CDH2: variants seen among roughly 807,000 people sequenced by gnomAD.
CDH2 encodes cadherin-2.
CDH2 carries 17 observed loss-of-function variants against 92.0 expected under a neutral mutation model. The observed-to-expected ratio is 0.18, with a 90% CI of 0.13 to 0.28. The LOEUF is 0.28. CDH2 is among the 10% of genes least tolerant of loss of function. The pLI, the probability that CDH2 is intolerant of heterozygous loss-of-function variation, is 1.00. For synonymous variants in CDH2, 419 were observed against 415.9 expected, an observed-to-expected ratio of 1.01 and a Z score of -0.09; for missense variants, 862 against 1,133.1, an observed-to-expected ratio of 0.76 and a Z score of 3.44.
intron 2 of CDH2, among the ~76,000 whole-genome samples, chr18:28,076,682 C>A (rs2014725402): frequency 8.4e-6 from 1 of 119,212 alleles, no homozygotes; most frequent in Non-Finnish European, 1.7e-5. Context: ...TAATGCTTTC[C>A]CTCCCCCCTC....
chr18:28,095,392 GCAA>G (rs2015113868), intron 2 of CDH2, among the ~76,000 whole-genome samples: 1 of 151,886 alleles, frequency 6.6e-6, no homozygotes. Context: ...ACAAGCCTGG[GCAA>G]CATAGTGAGA....
Position 28,133,897 on chromosome 18 carries a change from G to A in CDH2, c.172+13776C>T, listed in dbSNP as rs193037755. Among the ~76,000 whole-genome samples the A allele has an allele frequency of 8.5e-5, 13 of 152,196 alleles. No homozygotes were observed. The South Asian group carries it at 1.5e-3, about 17-fold the overall frequency. On this transcript the variant is annotated intron_variant, in intron 2 of 15. Transcript: ENST00000269141. ...TTCTGGGCCAGGCACAGTGGTTCAC[G>A]TCTGTAATCCCAACACTCTGGGAGG...
intron 2 of CDH2, among the ~76,000 whole-genome samples, chr18:28,079,990 C>G (rs1465349885): frequency 4.6e-5 from 7 of 152,134 alleles, no homozygotes; most frequent in Non-Finnish European, 4.4e-5. Context: ...TGAAATTCTC[C>G]AGAACAGCAT....
intron 15 of CDH2, chr18:27,954,688 C>T (rs1173096863): frequency 6.6e-6 from 1 of 152,094 alleles, no homozygotes; most frequent in Non-Finnish European, 1.5e-5. Context: ...GTGATTGGTA[C>T]CTTAGCTAAC....
chr18:28,110,198 T>C (rs937850067), intron 2 of CDH2, among the ~76,000 whole-genome samples: 3 of 152,250 alleles, frequency 2.0e-5, no homozygotes, highest in African/African-American at 7.2e-5. Context: ...CTCCGCTGTT[T>C]AGCATTATCC....
At chr18:28,130,405 C>A (rs1194259287) in intron 2 of CDH2, among the ~76,000 whole-genome samples, 1 of 152,210 alleles carries the variant, frequency 6.6e-6, no homozygotes, top group Non-Finnish European at 1.5e-5. Context: ...TGGAGTATAT[C>A]ACAGTCAAAA....
chr18:28,037,497 G>A (rs1222623130), intron 2 of CDH2, among the ~76,000 whole-genome samples: 2 of 152,132 alleles, frequency 1.3e-5, no homozygotes, highest in Non-Finnish European at 2.9e-5. Flanking sequence ...GGGAAGCAGC[G>A]AGAAAACTTA....
intron 2 of CDH2, among the ~76,000 whole-genome samples, chr18:28,043,097 AC>A (rs1285069996): frequency 2.0e-5 from 3 of 152,030 alleles, no homozygotes; most frequent in Non-Finnish European, 2.9e-5. Flanking sequence ...ATATATATAC[AC>A]CATGGAATAC....
intron 2 of CDH2, among the ~76,000 whole-genome samples, chr18:28,044,523 A>C (rs1483318683): frequency 6.6e-6 from 1 of 152,150 alleles, no homozygotes; most frequent in Non-Finnish European, 1.5e-5. Context: ...TAAAATTAAG[A>C]CTATAAATAT....
chr18:28,099,758 A>G (rs1021117473), intron 2 of CDH2, among the ~76,000 whole-genome samples: 1 of 152,268 alleles, frequency 6.6e-6, no homozygotes, highest in African/African-American at 2.4e-5. Flanking sequence ...GTGATATTAG[A>G]GAAAGCAAAT....
chr18:27,989,287 T>TC (rs1349278178), intron 10 of CDH2, among the ~76,000 whole-genome samples: 5 of 152,306 alleles, frequency 3.3e-5, no homozygotes, highest in African/African-American at 1.2e-4. Flanking sequence ...GAGTGGGGAT[T>TC]AACTTTTAAA....
At chr18:27,985,884 T>C in intron 11 of CDH2, 123 bp from the exon 12 acceptor site, 1 of 627,370 alleles carries the variant, frequency 1.6e-6, no homozygotes, top group Non-Finnish European at 2.7e-6. Context: ...TGGAAAAACA[T>C]AGTTGCTATG....
intron 1 of CDH2, 23 bp downstream of exon 1, chr18:28,176,940 G>C (rs1343097848): frequency 2.3e-5 from 27 of 1,171,080 alleles, no homozygotes; most frequent in South Asian, 2.5e-5. Flanking sequence ...CCCGTGGCCC[G>C]GCCCGCGGGG....
At position 28,099,736 on chromosome 18, in the gene CDH2, T is replaced by C. The variant is rs1028258052; in HGVS notation, c.172+47937A>G. On this transcript the variant is annotated intron_variant, in intron 2 of 15. Coordinates refer to ENST00000269141, the MANE Select transcript of CDH2 (RefSeq NM_001792.5). ...CAAGGCCATGGAAGTATAAGAAAAA[T>C]TGAGAGACAGTGTGATATTAGAGAA... Among the ~76,000 whole-genome samples the C allele has an allele frequency of 8.6e-5, 13 of 151,976 alleles. No individual in the cohort carries two copies. In the South Asian group the frequency reaches 1.2e-3, roughly 15 times the overall value.
intron 2 of CDH2, among the ~76,000 whole-genome samples, chr18:28,054,268 A>G (rs2014249182): frequency 6.6e-6 from 1 of 152,006 alleles, no homozygotes. Flanking sequence ...TTTTATTTTT[A>G]AGCAAAATGG....
intron 2 of CDH2, among the ~76,000 whole-genome samples, chr18:28,129,683 T>C (rs906523289): frequency 2.6e-5 from 4 of 151,894 alleles, no homozygotes; most frequent in Non-Finnish European, 4.4e-5. Flanking sequence ...AAAAAATTAG[T>C]TGGGTGTGGT....
intron 11 of CDH2, among the ~76,000 whole-genome samples, chr18:27,987,183 T>C (rs2012262961): frequency 6.6e-6 from 1 of 152,212 alleles, no homozygotes; most frequent in Admixed American, 6.5e-5. Context: ...TATGGCTCTT[T>C]AGATCTTAAC....
intron 10 of CDH2, 142 bp from the exon 11 acceptor site, chr18:27,988,808 G>A: frequency 1.5e-6 from 1 of 647,666 alleles, no homozygotes; most frequent in Non-Finnish European, 2.7e-6. Flanking sequence ...ACAGGAAAAA[G>A]TATTTTTGTG....
chr18:27,956,315 T>C (rs2011245566), intron 15 of CDH2, among the ~76,000 whole-genome samples: 5 of 152,240 alleles, frequency 3.3e-5, no homozygotes, highest in Admixed American at 2.6e-4. Flanking sequence ...AAAGCTGAAC[T>C]GTCTTCTAAA....
Sources: allele counts gnomAD v4.1 joint callset (sites outside exome capture counted in the v4.1 genomes callset), GRCh38; gene constraint gnomAD v4.1.1; transcripts MANE v1.5; gene names NCBI Gene and HGNC (gene_info 2026-07-23, HGNC 2026-07-21).